TRPM7: variants seen among roughly 807,000 people sequenced by gnomAD.
The protein encoded by TRPM7 is transient receptor potential cation channel subfamily M member 7.
Under a neutral mutation model 229.7 loss-of-function variants are expected in TRPM7, and 134 were observed. The observed-to-expected ratio is 0.58, with a 90% CI of 0.51 to 0.67. The LOEUF (loss-of-function observed/expected upper bound fraction) is 0.67, where lower values mean the gene tolerates loss of function less well. Ranked by LOEUF, TRPM7 falls within the 30% of genes least tolerant of loss-of-function variation. The pLI is 0.00. For missense variants in TRPM7, 1,901 were observed against 2,210.0 expected (o/e 0.86, Z 2.80); for synonymous variants, 699 against 715.2 (o/e 0.98, Z 0.36).
At chr15:50,572,739 T>G (rs1052104325) in intron 36 of TRPM7, among the ~76,000 whole-genome samples, 24 of 152,222 alleles carry the variant, frequency 1.6e-4, no homozygotes, top group African/African-American at 5.8e-4. Context: ...TATGAACTAC[T>G]GAAAAAAGTA....
intron 7 of TRPM7, among the ~76,000 whole-genome samples, chr15:50,635,681 AAAAAAAAAAAG>A (rs1242723939): frequency 5.4e-5 from 7 of 129,150 alleles, no homozygotes; most frequent in Non-Finnish European, 1.7e-5. Context: ...AAAAAAAAAA[AAAAAAAAAAAG>A]AGGACGGCTG....
chr15:50,613,634 T>G, intron 15 of TRPM7, 73 bp downstream of exon 15: 1 of 1,306,146 alleles, frequency 7.7e-7, no homozygotes, highest in Non-Finnish European at 1.0e-6. Context: ...TAGTTTTTTT[T>G]GTTTAATAAT....
rs780049938 is a variant in TRPM7 at position 50,575,726 on chromosome 15, C to T, written c.4733G>A (p.Arg1578Lys). 6.2e-7 allele frequency: 1 copy of T among 1,610,428 alleles called. No individual in the cohort carries two copies. The highest frequency in any genetic ancestry group is 1.3e-5 in the African/African-American group (1 of 74,752). ...ATTTCTTTAATTTTTGGATTTACCT[C>T]TTGGAGGCACAGGTGTAAATGGAAT... ...QSIPFTPVPP[R>K]GEPVTVYRLE... Residue 1578 changes from arginine (R) to lysine (K), a missense_variant and splice_region_variant, in exon 33 of 39, where the codon AGA becomes AAA. Transcript: ENST00000646667.
At chr15:50,661,695 T>C (rs2061728346) in intron 2 of TRPM7, among the ~76,000 whole-genome samples, 1 of 152,222 alleles carries the variant, frequency 6.6e-6, no homozygotes, top group Non-Finnish European at 1.5e-5. Flanking sequence ...GCTATGTTTT[T>C]CTAAGAGTTA....
chr15:50,658,614 G>C (rs2061646699), intron 2 of TRPM7, among the ~76,000 whole-genome samples: 1 of 150,632 alleles, frequency 6.6e-6, no homozygotes, highest in Admixed American at 6.6e-5. Context: ...AATACAGAGA[G>C]AGTCTGGTAT....
intron 12 of TRPM7, among the ~76,000 whole-genome samples, chr15:50,620,698 A>G (rs8027316): frequency 0.35 from 53,057 of 152,030 alleles, 10,463 homozygotes; most frequent in Admixed American, 0.48. Flanking sequence ...TGGGAGGCAG[A>G]AGCGGGTGGA....
intron 1 of TRPM7, among the ~76,000 whole-genome samples, chr15:50,682,922 G>C (rs996554412): frequency 4.0e-5 from 6 of 150,448 alleles, no homozygotes; most frequent in Admixed American, 4.0e-4. Context: ...TTTGAGACAG[G>C]GTCTGGTTCT....
At chr15:50,628,103 A>C in intron 11 of TRPM7, 46 bp downstream of exon 11, 1 of 1,338,844 alleles carries the variant, frequency 7.5e-7, no homozygotes, top group Non-Finnish European at 1.1e-6. Context: ...CTTTTTTATT[A>C]CTTAGTGTAA....
chr15:50,613,946 C>G, intron 14 of TRPM7, 105 bp from the exon 15 acceptor site: 3 of 1,401,578 alleles, frequency 2.1e-6, no homozygotes, highest in Non-Finnish European at 2.9e-6. Flanking sequence ...TGTGTACACA[C>G]ACAAAATATG....
chr15:50,580,659 G>A (rs2140300809), intron 30 of TRPM7, among the ~76,000 whole-genome samples: 1 of 151,908 alleles, frequency 6.6e-6, no homozygotes, highest in Non-Finnish European at 1.5e-5. Flanking sequence ...TTGTAATTAT[G>A]GTACAACTAT....
chr15:50,582,012 G>C (rs976460214), intron 29 of TRPM7, among the ~76,000 whole-genome samples: 5 of 152,062 alleles, frequency 3.3e-5, no homozygotes, highest in African/African-American at 1.2e-4. Flanking sequence ...GCCCAGGCTG[G>C]AGTGCAGTGG....
intron 24 of TRPM7, 61 bp downstream of exon 24, chr15:50,594,368 C>T: frequency 7.2e-7 from 1 of 1,388,056 alleles, no homozygotes; most frequent in Non-Finnish European, 9.9e-7. Flanking sequence ...AATATATAGC[C>T]TTTGGTGTAA....
chr15:50,679,528 ATATATATATATTT>A (rs2062191997), intron 1 of TRPM7, among the ~76,000 whole-genome samples: 2 of 47,380 alleles, frequency 4.2e-5, no homozygotes, highest in Non-Finnish European at 7.7e-5. Context: ...ATATATATAT[ATATATATATATTT>A]TTTTTTTTTT....
chr15:50,638,358 CAAAAAAAAAAAAAAAAAAAAAAA>C lies in TRPM7; in HGVS notation c.661-788_661-766del, dbSNP rs60939201. Among the ~76,000 whole-genome samples, 156 of 42,280 alleles carry C rather than the reference CAAAAAAAAAAAAAAAAAAAAAAA, an allele frequency of 3.7e-3. 1 individual carries two copies. The highest frequency in any genetic ancestry group is 7.5e-3 in the Admixed American group (23 of 3,056). The allele number at this position is 42,280 out of a possible 152,430, so 27.7% of individuals were successfully genotyped here. A position where few individuals can be genotyped will look rare whatever the true frequency, so the allele number is the denominator to read the frequency against. On this transcript the variant is annotated intron_variant, in intron 6 of 38. Coordinates refer to ENST00000646667, the MANE Select transcript of TRPM7 (RefSeq NM_017672.6). ...TGGGCGACAGAGCGAGACTCCGTCT[CAAAAAAAAAAAAAAAAAAAAAAA>C]AAAAAAAAAAAAAAAAAATTAGATG...
intron 1 of TRPM7, among the ~76,000 whole-genome samples, chr15:50,680,244 A>T (rs911459660): frequency 1.4e-4 from 22 of 152,072 alleles, no homozygotes; most frequent in African/African-American, 5.3e-4. Context: ...AAAAAATATA[A>T]AAATAAAAAT....
At chr15:50,660,614 G>C (rs2061698337) in intron 2 of TRPM7, among the ~76,000 whole-genome samples, 1 of 152,130 alleles carries the variant, frequency 6.6e-6, no homozygotes, top group South Asian at 2.1e-4. Context: ...GTCTCCCAAA[G>C]TGCTGGAATT....
chr15:50,599,327 AG>A (rs747523367), intron 21 of TRPM7, 31 bp from the exon 22 acceptor site: 1 of 1,536,806 alleles, frequency 6.5e-7, no homozygotes, highest in Admixed American at 1.8e-5. Context: ...TTAAAATACA[AG>A]GAAGTTTAAA....
Position 50,662,953 on chromosome 15 carries a change from A to T in TRPM7, c.83+14T>A. On this transcript the variant is annotated intron_variant, in intron 2 of 38. Transcript: ENST00000646667. ...ATTTCTAGAAGACCCCAGAAGTAAC[A>T]AAGGTGTGCTTACCTGTGAGGGTCC... 6.3e-7 allele frequency: 1 copy of T among 1,596,282 alleles called. No individual in the cohort carries two copies. The highest frequency in any genetic ancestry group is 8.6e-7 in the Non-Finnish European group (1 of 1,168,846).
intron 12 of TRPM7, among the ~76,000 whole-genome samples, chr15:50,622,587 T>C (rs971061919): frequency 1.3e-5 from 2 of 152,144 alleles, no homozygotes; most frequent in Admixed American, 6.5e-5. Context: ...CTACACATAC[T>C]AAAAGAAAAT....
Sources: allele counts gnomAD v4.1 joint callset (sites outside exome capture counted in the v4.1 genomes callset), GRCh38; gene constraint gnomAD v4.1.1; transcripts MANE v1.5; gene names NCBI Gene and HGNC (gene_info 2026-07-23, HGNC 2026-07-21).